Variants in EXOC6 observed in about 807,000 individuals in gnomAD.
EXOC6 encodes the protein exocyst complex component 6, also known as SEC15-like 1.
Under a neutral mutation model 112.5 loss-of-function variants are expected in EXOC6, and 60 were observed. The ratio of observed to expected loss-of-function variants is 0.53; its 90% CI spans 0.43 to 0.66. The LOEUF is 0.66. Ranked by LOEUF, EXOC6 falls within the 30% of genes least tolerant of loss-of-function variation. The pLI is 0.00. For synonymous variants in EXOC6, 295 were observed against 308.0 expected (o/e 0.96, Z 0.44); for missense variants, 855 against 957.1 (o/e 0.89, Z 1.41).
At chr10:92,953,840 T>G (rs935127718) in intron 15 of EXOC6, among the ~76,000 whole-genome samples, 1 of 152,218 alleles carries the variant, frequency 6.6e-6, no homozygotes, top group African/African-American at 2.4e-5. Context: ...AATTTATTTC[T>G]TTGAAGACTT....
chr10:92,831,333 GGA>G, upstream of EXOC6: 9 of 1,289,064 alleles, frequency 7.0e-6, no homozygotes, highest in Non-Finnish European at 9.1e-6. Flanking sequence ...GTGCTGTGTA[GGA>G]GGAGCGGGGT....
At chr10:92,942,194 C>T (rs559477966) in intron 13 of EXOC6, among the ~76,000 whole-genome samples, 75 of 152,108 alleles carry the variant, frequency 4.9e-4, no homozygotes, top group African/African-American at 1.7e-3. Flanking sequence ...AGTTTGAGAC[C>T]AGCCTGGACA....
chr10:93,036,575 A>G (rs1845526414), intron 20 of EXOC6, among the ~76,000 whole-genome samples: 1 of 152,182 alleles, frequency 6.6e-6, no homozygotes, highest in Non-Finnish European at 1.5e-5. Flanking sequence ...ATATTTATAC[A>G]TATATATCGA....
At chr10:92,848,672 C>T (rs1311092405) in intron 1 of EXOC6, 38 bp downstream of exon 1, 1 of 1,298,864 alleles carries the variant, frequency 7.7e-7, no homozygotes, top group Admixed American at 2.8e-5. Flanking sequence ...GGCCCCCCGC[C>T]CCACGCCGGC....
chr10:92,828,061 T>A (rs75457311), intron 1 of EXOC6, among the ~76,000 whole-genome samples: 2 of 152,250 alleles, frequency 1.3e-5, no homozygotes, highest in Non-Finnish European at 2.9e-5. Context: ...GTTGCTAGTA[T>A]ACAGATGAGC....
chr10:92,957,558 C>A (rs1437897235), intron 17 of EXOC6, among the ~76,000 whole-genome samples: 2 of 152,182 alleles, frequency 1.3e-5, no homozygotes, highest in Non-Finnish European at 2.9e-5. Context: ...AAATCAAGTT[C>A]TGCTCTGTAA....
intron 5 of EXOC6, among the ~76,000 whole-genome samples, chr10:92,906,834 A>G (rs1045459313): frequency 6.6e-6 from 1 of 152,194 alleles, no homozygotes; most frequent in African/African-American, 2.4e-5. Context: ...GCATCAGATC[A>G]TAGGTGCTTT....
At chr10:92,827,811 C>G (rs1460036042) in intron 1 of EXOC6, among the ~76,000 whole-genome samples, 1 of 152,120 alleles carries the variant, frequency 6.6e-6, no homozygotes, top group Non-Finnish European at 1.5e-5. Context: ...GACTTTTGCT[C>G]ATCTTACAGG....
At chr10:92,992,470 C>CT (rs1296303563) in intron 18 of EXOC6, among the ~76,000 whole-genome samples, 3 of 152,018 alleles carry the variant, frequency 2.0e-5, no homozygotes, top group Non-Finnish European at 4.4e-5. Context: ...ACTGATCTTA[C>CT]TAGGTACAGA....
At chr10:93,017,991 CA>C (rs1437800085) in intron 20 of EXOC6, among the ~76,000 whole-genome samples, 1 of 109,214 alleles carries the variant, frequency 9.2e-6, no homozygotes, top group African/African-American at 3.5e-5. Context: ...GCTTGGGCAA[CA>C]AGAGTGAAAC....
At chr10:92,898,603 A>T (rs1344254551) in intron 4 of EXOC6, among the ~76,000 whole-genome samples, 1 of 152,178 alleles carries the variant, frequency 6.6e-6, no homozygotes, top group Non-Finnish European at 1.5e-5. Context: ...TTATTGCAGC[A>T]GGCTCTCTCC....
At position 92,952,371 on chromosome 10, in the gene EXOC6, A is replaced by G; in HGVS notation, c.1515A>G (p.Ser505=). ...FIYASLKFSE[S]LHRSSTEIDD... is the part of the protein sequence containing the mutation. ...ATGCCAGCCTTAAATTTTCAGAGTC[A>G]CTACACCGGAGGTGAGTTTACTAAT... Residue 505 remains serine, a synonymous_variant, in exon 15 of 22, where the codon TCA becomes TCG. Transcript: ENST00000260762. 1 of 1,590,832 alleles carries G rather than the reference A, an allele frequency of 6.3e-7. No homozygotes were observed.
At chr10:92,828,338 C>T (rs758645621) in intron 1 of EXOC6, among the ~76,000 whole-genome samples, 12 of 152,090 alleles carry the variant, frequency 7.9e-5, no homozygotes, top group Admixed American at 1.3e-4. Context: ...TTAGTGTTTT[C>T]TTTGTTTGCT....
chr10:93,047,401 G>A (rs932081999), intron 20 of EXOC6, among the ~76,000 whole-genome samples: 10 of 151,982 alleles, frequency 6.6e-5, no homozygotes, highest in African/African-American at 2.4e-4. Flanking sequence ...CTGGGCATGG[G>A]GGCGTGTGCC....
At chr10:93,058,015 C>T (rs949291980) in intron 21 of EXOC6, among the ~76,000 whole-genome samples, 18 of 152,102 alleles carry the variant, frequency 1.2e-4, no homozygotes, top group African/African-American at 4.3e-4. Flanking sequence ...GCAAAAATAC[C>T]ACTTAACATA....
chr10:92,969,685 CTTTT>C (rs35174110), intron 17 of EXOC6, among the ~76,000 whole-genome samples: 65,480 of 151,342 alleles, frequency 0.43, 14,785 homozygotes, highest in African/African-American at 0.55. Context: ...TATTTTCTTT[CTTTT>C]ATTTTTATTT....
intron 17 of EXOC6, among the ~76,000 whole-genome samples, chr10:92,957,756 G>A (rs1055888298): frequency 2.6e-5 from 4 of 152,254 alleles, no homozygotes; most frequent in Non-Finnish European, 4.4e-5. Context: ...AATGTGATAA[G>A]GGGAAGCATT....
At chr10:92,907,752 C>T (rs890895489) in intron 5 of EXOC6, among the ~76,000 whole-genome samples, 4 of 152,100 alleles carry the variant, frequency 2.6e-5, no homozygotes, top group African/African-American at 9.7e-5. Context: ...AAATGTTATG[C>T]ATTACACTGA....
intron 6 of EXOC6, among the ~76,000 whole-genome samples, chr10:92,912,567 A>G (rs1313013279): frequency 6.6e-6 from 1 of 152,252 alleles, no homozygotes; most frequent in African/African-American, 2.4e-5. Context: ...TAACATCTAT[A>G]GGTAGAAGTA....
Sources: gnomAD v4.1 joint callset for allele counts (sites outside exome capture counted in the v4.1 genomes callset) on GRCh38, gnomAD v4.1.1 for gene constraint, MANE v1.5 for transcripts, NCBI Gene and HGNC (gene_info 2026-07-23, HGNC 2026-07-21) for gene names.